The following DGLUCY variants were observed in gnomAD, a reference collection of about 807,000 sequenced individuals.
The protein encoded by DGLUCY is D-glutamate cyclase, mitochondrial.
In DGLUCY, 58 loss-of-function variants were observed where a neutral mutation model predicts 58.5. That is an observed-to-expected ratio of 0.99 (90% confidence interval 0.80 to 1.23). The LOEUF is 1.23. Among genes scored for constraint, DGLUCY ranks in the 50% most tolerant of loss-of-function variants. DGLUCY has a pLI of 0.00. For missense variants in DGLUCY, 779 were observed against 784.7 expected (o/e 0.99, Z 0.09); for synonymous variants, 325 against 314.1 (o/e 1.03, Z -0.37).
intron 1 of DGLUCY, among the ~76,000 whole-genome samples, chr14:91,062,611 A>ATATATATATATATAT (rs1491583254): frequency 8.0e-5 from 2 of 25,102 alleles, no homozygotes; most frequent in Non-Finnish European, 1.3e-4. Flanking sequence ...ATATATATAT[A>ATATATATATATATAT]AACAATCCTT....
rs2047905702 is a variant in DGLUCY, at chr14:91,160,347, TG to T, written c.54del (p.Ile19PhefsTer96). On this transcript the variant is annotated frameshift_variant, in exon 3 of 14. Transcript: ENST00000256324. LOFTEE classifies it high-confidence loss of function. ...CGCCTTCCCTCTGCCATAAGGAGTTTGATTCTACAAAAGAAACCAAACATCA... is the reference window on the plus strand; with the variant it reads ...CGCCTTCCCTCTGCCATAAGGAGTTTATTCTACAAAAGAAACCAAACATCA... ...RSRLPSAIRS[L>X]ILQKKPNIRN... 1 of 1,613,098 alleles carries T rather than the reference TG, an allele frequency of 6.2e-7. No homozygotes were observed. Among genetic ancestry groups the T allele is most frequent in the African/African-American group, 1.3e-5 (1 of 74,652 alleles).
intron 12 of DGLUCY, among the ~76,000 whole-genome samples, chr14:91,211,044 G>T (rs182208766): frequency 6.6e-6 from 1 of 152,194 alleles, no homozygotes; most frequent in African/African-American, 2.4e-5. Flanking sequence ...TACTTTAATT[G>T]TATATGTCAG....
chr14:91,171,535 G>C (rs2048572736), intron 5 of DGLUCY, among the ~76,000 whole-genome samples: 1 of 152,322 alleles, frequency 6.6e-6, no homozygotes, highest in African/African-American at 2.4e-5. Context: ...AGGGCTGCCT[G>C]GCTCTGCCAG....
intron 9 of DGLUCY, among the ~76,000 whole-genome samples, chr14:91,192,158 A>G (rs1375539426): frequency 2.0e-5 from 3 of 152,204 alleles, no homozygotes; most frequent in Admixed American, 6.5e-5. Context: ...AATGTGGTAT[A>G]TAATTATTAC....
intron 13 of DGLUCY, among the ~76,000 whole-genome samples, chr14:91,219,199 AT>A (rs1887064213): frequency 2.0e-5 from 3 of 152,034 alleles, no homozygotes; most frequent in African/African-American, 7.2e-5. Context: ...AGAAAAAAAA[AT>A]TTTGAAAAAA....
upstream of DGLUCY, among the ~76,000 whole-genome samples, chr14:91,109,906 T>A (rs1051150997): frequency 3.9e-5 from 6 of 152,240 alleles, no homozygotes; most frequent in East Asian, 1.2e-3. Flanking sequence ...TAATTCAGGT[T>A]GAGGAACCTC....
At chr14:91,109,216 C>T (rs548864057), upstream of DGLUCY, among the ~76,000 whole-genome samples, 5 of 152,242 alleles carry the variant, frequency 3.3e-5, no homozygotes, top group East Asian at 9.6e-4. Flanking sequence ...CTCTGCAAAC[C>T]CTGGAACCCT....
At chr14:91,111,789 C>T (rs567477512), upstream of DGLUCY, among the ~76,000 whole-genome samples, 18 of 152,352 alleles carry the variant, frequency 1.2e-4, no homozygotes, top group Non-Finnish European at 2.2e-4. Context: ...TCAGACCATA[C>T]AGCCTTCAAG....
At chr14:91,179,143 G>A (rs1191719279) in intron 7 of DGLUCY, among the ~76,000 whole-genome samples, 1 of 152,216 alleles carries the variant, frequency 6.6e-6, no homozygotes, top group Non-Finnish European at 1.5e-5. Flanking sequence ...AGATGAATGA[G>A]CAATGGTCGC....
intron 1 of DGLUCY, among the ~76,000 whole-genome samples, chr14:91,088,472 T>TA (rs1028128191): frequency 2.0e-5 from 3 of 152,128 alleles, no homozygotes; most frequent in Non-Finnish European, 2.9e-5. Flanking sequence ...CTATTAGAGA[T>TA]AAAAAAATCA....
At chr14:91,104,065 T>TTTTTTTTTTTTC (rs1555391202), upstream of DGLUCY, among the ~76,000 whole-genome samples, 9 of 5,018 alleles carry the variant, frequency 1.8e-3, no homozygotes, top group African/African-American at 2.9e-3. Flanking sequence ...AACATTCTTT[T>TTTTTTTTTTTTC]TTTTTTTTTT....
rs555348355 is a variant in DGLUCY at position 91,060,377 on chromosome 14, C to T, written c.-409C>T. The T allele has an allele frequency of 4.6e-6, 7 of 1,507,704 alleles. No homozygotes were observed. The South Asian group carries it at 8.9e-5, about 19-fold the overall frequency. 93.4% of individuals were successfully genotyped at this position (1,507,704 alleles called of 1,614,324 possible). On this transcript the variant is annotated 5_prime_UTR_variant, in exon 1 of 5. Coordinates refer to the DGLUCY transcript ENST00000521334. ...ACAGTGAGGAGCTGCTCTCCTCCGT[C>T]GCCGCCGTCCGCGCTGGTCCCCGCG...
At chr14:91,081,217 A>G (rs1389939292) in intron 1 of DGLUCY, among the ~76,000 whole-genome samples, 1 of 130,814 alleles carries the variant, frequency 7.6e-6, no homozygotes, top group African/African-American at 3.2e-5. Flanking sequence ...AAAAAACAAA[A>G]AAAAAAGCAT....
At chr14:91,082,758 T>G (rs1408158508) in intron 1 of DGLUCY, among the ~76,000 whole-genome samples, 3 of 152,072 alleles carry the variant, frequency 2.0e-5, no homozygotes, top group Non-Finnish European at 4.4e-5. Flanking sequence ...TTTTTTTGTT[T>G]TGTTTTGTTT....
At chr14:91,086,576 C>T (rs1164986029) in intron 1 of DGLUCY, among the ~76,000 whole-genome samples, 1 of 152,056 alleles carries the variant, frequency 6.6e-6, no homozygotes, top group African/African-American at 2.4e-5. Flanking sequence ...TCAGTAAAGA[C>T]ACAACCTTTC....
At chr14:91,164,020 G>A (rs755252240) in intron 3 of DGLUCY, among the ~76,000 whole-genome samples, 4 of 152,102 alleles carry the variant, frequency 2.6e-5, no homozygotes, top group Non-Finnish European at 5.9e-5. Flanking sequence ...CGCGATCTCG[G>A]CTCACTGCAG....
At chr14:91,104,823 C>A (rs1199735208), upstream of DGLUCY, among the ~76,000 whole-genome samples, 2 of 152,200 alleles carry the variant, frequency 1.3e-5, no homozygotes, top group Admixed American at 1.3e-4. Context: ...CAGCTCTCAG[C>A]TTCCCTGCTG....
intron 7 of DGLUCY, among the ~76,000 whole-genome samples, chr14:91,180,575 A>G (rs992049445): frequency 4.0e-5 from 6 of 151,500 alleles, no homozygotes; most frequent in Non-Finnish European, 7.4e-5. Flanking sequence ...CCATCTCAAA[A>G]AAAAAAAAAA....
At chr14:91,070,925 T>A (rs1307957114) in intron 1 of DGLUCY, among the ~76,000 whole-genome samples, 1 of 152,128 alleles carries the variant, frequency 6.6e-6, no homozygotes, top group Non-Finnish European at 1.5e-5. Flanking sequence ...ACATCAGATT[T>A]TTAAAAACCA....
Sources: allele counts gnomAD v4.1 joint callset (sites outside exome capture counted in the v4.1 genomes callset), GRCh38; gene constraint gnomAD v4.1.1; transcripts MANE v1.5; gene names NCBI Gene and HGNC (gene_info 2026-07-23, HGNC 2026-07-21).